Variants in FAM227A observed in about 807,000 individuals in gnomAD.
FAM227A encodes family with sequence similarity 227 member A, also known as protein FAM227A.
Under a neutral mutation model 74.7 loss-of-function variants are expected in FAM227A, and 80 were observed. The ratio of observed to expected loss-of-function variants is 1.07; its 90% confidence interval spans 0.89 to 1.29. The LOEUF is 1.29. Ranked by LOEUF, FAM227A falls within the 50% of genes most tolerant of loss-of-function variation. FAM227A has a pLI of 0.00. For synonymous variants in FAM227A, 237 were observed against 241.8 expected (o/e 0.98, Z 0.19); for missense variants, 654 against 683.4 (o/e 0.96, Z 0.48).
intron 13 of FAM227A, among the ~76,000 whole-genome samples, chr22:38,603,163 C>G (rs1450943232): frequency 6.6e-6 from 1 of 152,178 alleles, no homozygotes; most frequent in Non-Finnish European, 1.5e-5. Flanking sequence ...TGTGAGCCAC[C>G]ATACCCAGCC....
intron 1 of FAM227A, among the ~76,000 whole-genome samples, chr22:38,650,623 A>G (rs1319612578): frequency 6.6e-6 from 1 of 152,196 alleles, no homozygotes; most frequent in Non-Finnish European, 1.5e-5. Context: ...TCTGAGTCCC[A>G]ACTCTAAAAG....
chr22:38,610,335 G>A (rs1159884319), intron 11 of FAM227A, among the ~76,000 whole-genome samples: 1 of 152,094 alleles, frequency 6.6e-6, no homozygotes, highest in African/African-American at 2.4e-5. Flanking sequence ...ACCTGGCAAG[G>A]CTCATTCTTA....
chr22:38,649,946 T>C, intron 2 of FAM227A, 81 bp downstream of exon 2: 1 of 1,281,764 alleles, frequency 7.8e-7, no homozygotes, highest in Non-Finnish European at 1.1e-6. Flanking sequence ...ATTATAGACC[T>C]GAGCACTGAT....
Position 38,579,600 on chromosome 22 carries a change from TATA to T in FAM227A, c.*6522_*6524del, listed in dbSNP as rs899238377. 2 of 152,152 alleles carry T rather than the reference TATA, an allele frequency of 1.3e-5. No homozygotes were observed. The highest frequency in any genetic ancestry group is 4.8e-5 in the African/African-American group (2 of 41,436). The allele number at this position is 152,152 out of a possible 1,614,324, so 9.4% of individuals were successfully genotyped here. ...TCAAATATGCACAAAAGTAAAACAG[TATA>T]ATATTCCCATCACCCATCTTCAACA... On this transcript the variant is annotated 3_prime_UTR_variant, in exon 17 of 17. Transcript: ENST00000535113.
rs776302247 is a variant in FAM227A at position 38,597,211 on chromosome 22, A to G, written c.1525T>C (p.Phe509Leu). Residue 509 changes from phenylalanine to leucine, a missense_variant, in exon 15 of 17, where the codon TTC becomes CTC. Phe to Leu is a conservative substitution (Grantham distance 22, BLOSUM62 0). Transcript: ENST00000535113. ...DKHLKELQDN[F>L]SREMKNIDPK... ...CCAAAGCCCCTTCCATACCTGGAGA[A>G]GTTGTCTTGCAGCTCCTTTAGATGC... 1.5e-5 allele frequency: 24 copies of G among 1,552,146 alleles called. No individual in the cohort carries two copies. In the African/African-American group the frequency reaches 2.7e-4, roughly 18 times the overall value.
chr22:38,601,011 C>T (rs561770202), intron 13 of FAM227A, among the ~76,000 whole-genome samples: 1 of 151,780 alleles, frequency 6.6e-6, no homozygotes, highest in African/African-American at 2.4e-5. Context: ...CTGGAAGGCT[C>T]TTACCAAAAC....
intron 16 of FAM227A, among the ~76,000 whole-genome samples, chr22:38,590,247 T>G (rs2090902559): frequency 8.0e-6 from 1 of 125,482 alleles, no homozygotes; most frequent in Non-Finnish European, 1.6e-5. Flanking sequence ...GCCACTGCAC[T>G]CCAGCCTGGG....
In FAM227A at chr22:38,582,450, C is replaced by T. The variant is rs1045520306; in HGVS notation, c.*3675G>A. On this transcript the variant is annotated 3_prime_UTR_variant, in exon 17 of 17. Coordinates refer to ENST00000535113, the MANE Select transcript of FAM227A (RefSeq NM_001013647.2). ...TCATACAATTACTCATTTGCTTTAT[C>T]CCACATTACAGCAAATGCTTTTTAA... 1.9e-6 allele frequency: 3 copies of T among 1,540,426 alleles called. No homozygotes were observed. The highest frequency in any genetic ancestry group is 1.8e-6 in the Non-Finnish European group (2 of 1,138,840).
intron 12 of FAM227A, among the ~76,000 whole-genome samples, chr22:38,605,771 A>G (rs1026055416): frequency 6.6e-6 from 1 of 152,134 alleles, no homozygotes; most frequent in Admixed American, 6.6e-5. Context: ...TCCTACAAAT[A>G]TTTACCTCTA....
In FAM227A at chr22:38,586,101, C is replaced by T. The variant is rs775245680; in HGVS notation, c.*24G>A. 5.2e-6 allele frequency: 8 copies of T among 1,551,958 alleles called. No homozygotes were observed. In the African/African-American group the frequency reaches 9.6e-5, roughly 19 times the overall value. ...AATATCACGGATTCTGTAGGCGCTTCCTGGTTCTAGGTTGTGGAGCTCCTC... is the reference window on the plus strand; with the variant it reads ...AATATCACGGATTCTGTAGGCGCTTTCTGGTTCTAGGTTGTGGAGCTCCTC... On this transcript the variant is annotated 3_prime_UTR_variant, in exon 17 of 17. Coordinates refer to ENST00000535113, the MANE Select transcript of FAM227A (RefSeq NM_001013647.2).
intron 15 of FAM227A, among the ~76,000 whole-genome samples, chr22:38,591,985 G>A (rs1171399418): frequency 1.4e-5 from 2 of 147,422 alleles, no homozygotes; most frequent in Non-Finnish European, 3.0e-5. Context: ...GTCTTGCTCT[G>A]TCGCCCAGGC....
At chr22:38,591,284 A>G (rs1164220120) in intron 16 of FAM227A, 151 bp downstream of exon 16, 2 of 1,367,620 alleles carry the variant, frequency 1.5e-6, no homozygotes, top group Non-Finnish European at 1.9e-6. Context: ...TGATGGCACC[A>G]CTGCACTCAG....
chr22:38,623,096 C>A, intron 10 of FAM227A, 76 bp downstream of exon 10: 1 of 1,020,524 alleles, frequency 9.8e-7, no homozygotes, highest in Non-Finnish European at 1.5e-6. Context: ...AATGCTAAGG[C>A]CTCTCCTCCC....
chr22:38,639,494 C>G (rs1009562078), intron 4 of FAM227A, 161 bp downstream of exon 4: 27 of 737,152 alleles, frequency 3.7e-5, no homozygotes, highest in Admixed American at 1.8e-4. Context: ...CTGCCCCTCC[C>G]TCCTTCCTTG....
At chr22:38,634,127 CAGG>C (rs1209274382) in intron 6 of FAM227A, among the ~76,000 whole-genome samples, 2 of 144,460 alleles carry the variant, frequency 1.4e-5, no homozygotes, top group Admixed American at 7.5e-5. Context: ...GAGGCTGAGA[CAGG>C]AGAAGTGCTC....
At chr22:38,642,958 A>C (rs2092147803) in intron 3 of FAM227A, among the ~76,000 whole-genome samples, 1 of 151,978 alleles carries the variant, frequency 6.6e-6, no homozygotes, top group South Asian at 2.1e-4. Context: ...ACAAAAAAAC[A>C]ACCCAAAACA....
chr22:38,592,359 T>G (rs1325736724), intron 15 of FAM227A, among the ~76,000 whole-genome samples: 3 of 152,232 alleles, frequency 2.0e-5, no homozygotes, highest in African/African-American at 7.2e-5. Flanking sequence ...AATGAGAATT[T>G]ATTTATTAAA....
intron 3 of FAM227A, among the ~76,000 whole-genome samples, chr22:38,644,632 GTGA>G (rs901981763): frequency 6.6e-5 from 10 of 152,016 alleles, no homozygotes; most frequent in African/African-American, 1.4e-4. Flanking sequence ...TGAATGTCGA[GTGA>G]TGATGATGTA....
intron 13 of FAM227A, among the ~76,000 whole-genome samples, chr22:38,604,941 C>T (rs951744042): frequency 1.3e-5 from 2 of 152,200 alleles, no homozygotes; most frequent in Non-Finnish European, 2.9e-5. Flanking sequence ...GCATGAACCA[C>T]TGCATCCAGC....
Sources: gnomAD v4.1 joint callset for allele counts (sites outside exome capture counted in the v4.1 genomes callset) on GRCh38, gnomAD v4.1.1 for gene constraint, MANE v1.5 for transcripts, NCBI Gene and HGNC (gene_info 2026-07-23, HGNC 2026-07-21) for gene names.